Variants in THAP12 observed in about 807,000 individuals in gnomAD.
THAP12 encodes the protein THAP domain containing 12.
A neutral mutation model predicts 63.0 loss-of-function variants in THAP12; 20 were observed. That is an observed-to-expected ratio of 0.32 (90% CI 0.22 to 0.46). The LOEUF is 0.46. THAP12 is among the 20% of genes least tolerant of loss of function. The probability of loss-of-function intolerance (pLI) is 1.00; values close to 1 mark genes in which losing one functional copy is unlikely to be tolerated. For synonymous variants in THAP12, 264 were observed against 328.4 expected (o/e 0.80, Z 2.12); for missense variants, 568 against 908.2 (o/e 0.63, Z 4.81).
rs1386792684 is a variant in THAP12 at position 76,350,670 on chromosome 11, C to T, written c.*194G>A. The T allele has an allele frequency of 2.0e-6, 1 of 508,994 alleles. No individual in the cohort carries two copies. Among genetic ancestry groups the T allele is most frequent in the Non-Finnish European group, 3.1e-6 (1 of 320,114 alleles). 31.5% of individuals were successfully genotyped at this position (508,994 alleles called of 1,614,324 possible). On this transcript the variant is annotated 3_prime_UTR_variant, in exon 5 of 5. Transcript: ENST00000260045. Reference sequence around the variant, plus strand: ...GGAAACATGGCACTTTCAACGTTCTCTTCTGGAAGAACAGGTAGGTCTTCA... The same window carrying T: ...GGAAACATGGCACTTTCAACGTTCTTTTCTGGAAGAACAGGTAGGTCTTCA...
chr11:76,380,750 G>A lies in THAP12; in HGVS notation c.87C>T (p.Ala29=), dbSNP rs1006974334. 1 of 1,448,658 alleles carries A rather than the reference G, an allele frequency of 6.9e-7. No individual in the cohort carries two copies. Among genetic ancestry groups the A allele is most frequent in the East Asian group, 3.1e-5 (1 of 31,908 alleles). 89.7% of individuals were successfully genotyped at this position (1,448,658 alleles called of 1,614,324 possible). The change falls in exon 1 of 5, where the codon GCC becomes GCT. Residue 29 remains alanine (A), a splice_region_variant and synonymous_variant. Transcript: ENST00000260045. ...CCCGCTCTGCGCCCGCCGCTTACCT[G>A]GCAGGGTCCCGCGGGAACCTGAAGA... ...LAFFRFPRDP[A]RCQKWVENCR...
Position 76,350,033 on chromosome 11 carries a change from T to G in THAP12, c.*831A>C, listed in dbSNP as rs183488201. 4 of 152,898 alleles carry G rather than the reference T, an allele frequency of 2.6e-5. No homozygotes were observed. Among genetic ancestry groups the G allele is most frequent in the Admixed American group, 2.0e-4 (3 of 15,302 alleles). The allele number at this position is 152,898 out of a possible 1,614,324, so 9.5% of individuals were successfully genotyped here. A position where few individuals can be genotyped will look rare whatever the true frequency, so the allele number is the denominator to read the frequency against. The stretch of plus-strand genomic sequence containing the variant: ...TTTTCTTCACCAAAAATAACAGCAA[T>G]ATTTTCCATATTTTTCTAGATAAAC... On this transcript the variant is annotated 3_prime_UTR_variant, in exon 5 of 5. Coordinates refer to ENST00000260045, the MANE Select transcript of THAP12 (RefSeq NM_004705.4).
At chr11:76,367,269 T>G (rs985402155) in intron 1 of THAP12, among the ~76,000 whole-genome samples, 11 of 152,054 alleles carry the variant, frequency 7.2e-5, no homozygotes, top group African/African-American at 1.9e-4. Flanking sequence ...AGAGACTGGG[T>G]TTCTCCATGT....
Position 76,352,030 on chromosome 11 carries a change from C to A in THAP12, c.1120G>T (p.Val374Phe). The A allele has an allele frequency of 1.9e-6, 3 of 1,611,214 alleles. No individual in the cohort carries two copies. Among genetic ancestry groups the A allele is most frequent in the Non-Finnish European group, 2.5e-6 (3 of 1,179,316 alleles). ...CCTAATGCAACAGATACTCCCATAA[C>A]AGGTACTGATTTTGCCAACCACATA... The part of the protein sequence containing the change: ...LNMWLAKSVP[V>F]MGVSVALGTI... The change falls in exon 5 of 5, where the codon GTT (valine) becomes TTT (phenylalanine). Residue 374 changes from valine to phenylalanine, a missense_variant. By Grantham distance (50) the Val-to-Phe change is conservative. Transcript: ENST00000260045.
chr11:76,354,076 G>A (rs1219659729), intron 4 of THAP12, among the ~76,000 whole-genome samples: 1 of 152,192 alleles, frequency 6.6e-6, no homozygotes, highest in Admixed American at 6.5e-5. Context: ...TTGATGACAA[G>A]GATAAATAAG....
At chr11:76,353,199 C>T (rs1946539544) in intron 4 of THAP12, among the ~76,000 whole-genome samples, 3 of 152,112 alleles carry the variant, frequency 2.0e-5, no homozygotes, top group African/African-American at 4.8e-5. Context: ...TTTTAAAATA[C>T]ACTTAACAAG....
chr11:76,369,174 T>A, intron 1 of THAP12, among the ~76,000 whole-genome samples: 1 of 152,168 alleles, frequency 6.6e-6, no homozygotes, highest in Non-Finnish European at 1.5e-5. Flanking sequence ...AGGGAAATGC[T>A]AATTAAAGCC....
chr11:76,370,835 A>AG (rs1486254553), intron 1 of THAP12, among the ~76,000 whole-genome samples: 5 of 132,204 alleles, frequency 3.8e-5, no homozygotes, highest in East Asian at 2.4e-4. Flanking sequence ...AAAAAGAAAA[A>AG]AAAAAAAAAT....
intron 2 of THAP12, among the ~76,000 whole-genome samples, chr11:76,365,047 G>A (rs951428533): frequency 2.6e-5 from 4 of 152,144 alleles, no homozygotes; most frequent in South Asian, 2.1e-4. Context: ...TTGGGAGGCC[G>A]AGGTGGGCGG....
chr11:76,352,095 G>A lies in THAP12; in HGVS notation c.1055C>T (p.Pro352Leu). The A allele has an allele frequency of 6.2e-7, 1 of 1,611,784 alleles. No individual in the cohort carries two copies. The highest frequency in any genetic ancestry group is 1.7e-5 in the Admixed American group (1 of 59,994). ...VVASRLLEKY[P>L]QAIYTLCSSC... is the part of the protein sequence containing the mutation. ...AGAGCAGAGTGTGTAGATAGCTTGG[G>A]GATATTTCTCTAAAAGTCTAGAAGC... Residue 352 changes from proline to leucine, a missense_variant, in exon 5 of 5, where the codon CCC becomes CTC. By Grantham distance (98) the Pro-to-Leu change is moderately conservative (BLOSUM62 -3). Transcript: ENST00000260045.
At chr11:76,352,914 G>A in intron 4 of THAP12, 120 bp from the exon 5 acceptor site, 2 of 1,176,942 alleles carry the variant, frequency 1.7e-6, no homozygotes, top group South Asian at 3.6e-5. Flanking sequence ...TATTCATAGG[G>A]TATTTACTAG....
At chr11:76,359,545 T>C (rs904761911) in intron 3 of THAP12, 2 of 152,168 alleles carry the variant, frequency 1.3e-5, no homozygotes, top group African/African-American at 4.8e-5. Context: ...CAAATTCATA[T>C]GGAGGAGGCC....
At chr11:76,372,887 CA>C (rs200632857) in intron 1 of THAP12, among the ~76,000 whole-genome samples, 5 of 140,748 alleles carry the variant, frequency 3.6e-5, no homozygotes, top group Admixed American at 7.1e-5. Flanking sequence ...AACCTGTCTC[CA>C]AAAAAAAAAC....
At position 76,351,142 on chromosome 11, in the gene THAP12, C is replaced by G. The variant is rs1174043811; in HGVS notation, c.2008G>C (p.Asp670His). 1.2e-6 allele frequency: 2 copies of G among 1,606,586 alleles called. No individual in the cohort carries two copies. The change falls in exon 5 of 5, where the codon GAC (aspartate) becomes CAC (histidine). Residue 670 changes from aspartate (D) to histidine (H), a missense_variant. By Grantham distance (81) the Asp-to-His change is moderately conservative. Coordinates refer to ENST00000260045, the MANE Select transcript of THAP12 (RefSeq NM_004705.4). ...TACACATTAGGAAAAAACTTGATGT[C>G]AGGCAGGTGGAGGGCTTCATAGATG... ...STIYEALHLP[D>H]IKFFPNVYAL...
chr11:76,377,771 T>C (rs76326877), intron 1 of THAP12, among the ~76,000 whole-genome samples: 4 of 152,380 alleles, frequency 2.6e-5, no homozygotes, highest in Non-Finnish European at 5.9e-5. Flanking sequence ...ATGGAATTGC[T>C]GGGACACACA....
chr11:76,353,869 C>T lies in THAP12; in HGVS notation c.356-1075G>A, dbSNP rs377209578. On this transcript the variant is annotated intron_variant, in intron 4 of 4. Transcript: ENST00000260045. ...ACTAAAAATACAAAAATTAGCTGGGCGTGGTGGCACATGCCTGTAGTCCCA... is the reference window on the plus strand; with the variant it reads ...ACTAAAAATACAAAAATTAGCTGGGTGTGGTGGCACATGCCTGTAGTCCCA... Among the ~76,000 whole-genome samples, 21 of 152,180 alleles carry T rather than the reference C, an allele frequency of 1.4e-4. No homozygotes were observed. In the East Asian group the frequency reaches 3.1e-3, roughly 22 times the overall value.
At chr11:76,363,333 C>T (rs1287370963) in intron 2 of THAP12, among the ~76,000 whole-genome samples, 5 of 151,974 alleles carry the variant, frequency 3.3e-5, no homozygotes, top group Admixed American at 1.3e-4. Context: ...TTGGCTCCGG[C>T]CAAATTCAGT....
At position 76,380,960 on chromosome 11, in the gene THAP12, G is replaced by A. The variant is rs1946755157; in HGVS notation, c.-124C>T. The stretch of plus-strand genomic sequence containing the variant: ...CCGGCTCGGCAGGGCCGACGCGCGG[G>A]GGAGGGGCGGGCGGGCTAGAAGCCG... On this transcript the variant is annotated 5_prime_UTR_variant, in exon 1 of 5. Transcript: ENST00000260045. 7 of 452,984 alleles carry A rather than the reference G, an allele frequency of 1.5e-5. No individual in the cohort carries two copies. The highest frequency in any genetic ancestry group is 1.7e-5 in the Non-Finnish European group (5 of 301,490). The allele number at this position is 452,984 out of a possible 1,614,324, so 28.1% of individuals were successfully genotyped here.
intron 4 of THAP12, among the ~76,000 whole-genome samples, chr11:76,353,809 G>A (rs1425799685): frequency 3.3e-5 from 5 of 152,218 alleles, no homozygotes; most frequent in African/African-American, 1.2e-4. Context: ...AGGAGTTTGA[G>A]ACCAGCCTGG....
Sources: gnomAD v4.1 joint callset for allele counts (sites outside exome capture counted in the v4.1 genomes callset) on GRCh38, gnomAD v4.1.1 for gene constraint, MANE v1.5 for transcripts, NCBI Gene and HGNC (gene_info 2026-07-23, HGNC 2026-07-21) for gene names.